Variants in KLRG1 observed in about 807,000 individuals in gnomAD.
KLRG1 encodes the protein killer cell lectin like receptor G1, also known as killer cell lectin-like receptor subfamily G member 1.
Under a neutral mutation model 21.8 loss-of-function variants are expected in KLRG1, and 16 were observed. That is an observed-to-expected ratio of 0.73 (90% CI 0.50 to 1.11). KLRG1 has a LOEUF of 1.11. KLRG1 is among the 50% of genes most tolerant of loss of function. KLRG1 has a pLI of 0.00. For synonymous variants in KLRG1, 69 were observed against 75.9 expected (o/e 0.91, Z 0.47); for missense variants, 173 against 218.3 (o/e 0.79, Z 1.31).
At chr12:8,952,263 C>T (rs759671332) in intron 1 of KLRG1, among the ~76,000 whole-genome samples, 1 of 152,216 alleles carries the variant, frequency 6.6e-6, no homozygotes, top group African/African-American at 2.4e-5. Flanking sequence ...GCCTCCTGTT[C>T]TGTATAATCA....
chr12:8,987,365 C>T (rs1210863935), upstream of KLRG1: 1 of 152,168 alleles, frequency 6.6e-6, no homozygotes, highest in Non-Finnish European at 1.5e-5. Context: ...TCTCTTTCTT[C>T]CCTTGTGCAC....
At chr12:9,165,594 G>C in the KLRG1 span, among the ~76,000 whole-genome samples, 1 of 152,256 alleles carries the variant, frequency 6.6e-6, no homozygotes, top group Admixed American at 6.5e-5. Flanking sequence ...TATCCCACAT[G>C]TCTGTACTTT....
chr12:9,171,757 C>A, the KLRG1 span, among the ~76,000 whole-genome samples: 7 of 152,022 alleles, frequency 4.6e-5, no homozygotes, highest in Admixed American at 4.6e-4. Flanking sequence ...TGAAGATTAT[C>A]TATCTGAAAT....
At chr12:9,077,480 C>T in the KLRG1 span, 1 of 1,521,842 alleles carries the variant, frequency 6.6e-7, no homozygotes, top group Non-Finnish European at 9.0e-7. Context: ...TTGATTAGTT[C>T]TTTCTATTCT....
intron 3 of KLRG1, among the ~76,000 whole-genome samples, chr12:9,005,287 G>T (rs926330024): frequency 5.3e-5 from 8 of 152,060 alleles, no homozygotes; most frequent in Non-Finnish European, 2.9e-5. Context: ...ATCCACCATG[G>T]CACGTGTATA....
At chr12:9,070,610 T>C in the KLRG1 span, 1 of 1,477,514 alleles carries the variant, frequency 6.8e-7, no homozygotes, top group Non-Finnish European at 9.4e-7. Context: ...GGATTAGGGT[T>C]TTCTGTGTTT....
chr12:9,194,020 T>C, the KLRG1 span: 1 of 1,487,522 alleles, frequency 6.7e-7, no homozygotes, highest in Admixed American at 1.8e-5. Flanking sequence ...TTCTTCTGAA[T>C]ATATCACTGT....
At chr12:8,991,185 G>A (rs76450399) in intron 1 of KLRG1, among the ~76,000 whole-genome samples, 1,523 of 152,184 alleles carry the variant, frequency 0.01, 1 homozygote, top group Middle Eastern at 0.027. Flanking sequence ...AGTTTTGCTC[G>A]TTACACGTAA....
chr12:8,953,796 A>T (rs150791400), intron 1 of KLRG1, among the ~76,000 whole-genome samples: 113 of 152,322 alleles, frequency 7.4e-4, no homozygotes, highest in Non-Finnish European at 1.4e-3. Context: ...AGAGGACTCT[A>T]TGATACAGAA....
At chr12:9,109,830 A>G in the KLRG1 span, 3 of 1,552,176 alleles carry the variant, frequency 1.9e-6, no homozygotes, top group African/African-American at 4.2e-5. Context: ...TTAAATATGA[A>G]GAAAAATAAT....
At chr12:9,128,993 A>G in the KLRG1 span, among the ~76,000 whole-genome samples, 1 of 152,176 alleles carries the variant, frequency 6.6e-6, no homozygotes, top group African/African-American at 2.4e-5. Flanking sequence ...CTTGACTTGT[A>G]ATGGGGTTTC....
At chr12:9,032,482 G>C in the KLRG1 span, among the ~76,000 whole-genome samples, 1 of 152,114 alleles carries the variant, frequency 6.6e-6, no homozygotes, top group Admixed American at 6.5e-5. Context: ...CTAACTTCAG[G>C]AGGCACTTAA....
At chr12:9,020,368 T>A in the KLRG1 span, among the ~76,000 whole-genome samples, 2 of 152,100 alleles carry the variant, frequency 1.3e-5, no homozygotes, top group Non-Finnish European at 1.5e-5. Context: ...CTCACAAAAG[T>A]TTCCACATGA....
the KLRG1 span, among the ~76,000 whole-genome samples, chr12:9,023,604 CTGGAG>C: frequency 1.3e-5 from 2 of 151,572 alleles, no homozygotes; most frequent in Admixed American, 1.3e-4. Context: ...ATCACCCAGG[CTGGAG>C]TGCAGTGGCA....
chr12:9,143,708 G>T, the KLRG1 span, among the ~76,000 whole-genome samples: 1 of 152,128 alleles, frequency 6.6e-6, no homozygotes, highest in African/African-American at 2.4e-5. Flanking sequence ...GCCATTAGCT[G>T]TCATTATCTA....
the KLRG1 span, among the ~76,000 whole-genome samples, chr12:9,213,622 T>C: frequency 3.3e-5 from 5 of 152,274 alleles, no homozygotes; most frequent in South Asian, 6.2e-4. Flanking sequence ...TGACCATTTA[T>C]GTATCATCTT....
At chr12:9,079,350 G>A in the KLRG1 span, 58 of 1,604,292 alleles carry the variant, frequency 3.6e-5, no homozygotes, top group African/African-American at 4.8e-4. Context: ...GAAGATTAAC[G>A]AAACAGCACA....
the KLRG1 span, chr12:9,091,104 C>T: frequency 4.5e-5 from 62 of 1,365,114 alleles, no homozygotes; most frequent in Non-Finnish European, 6.3e-5. Context: ...ATCTAGTAAG[C>T]ATATTTTGCA....
the KLRG1 span, among the ~76,000 whole-genome samples, chr12:9,103,813 T>C: frequency 8.5e-5 from 13 of 152,326 alleles, no homozygotes; most frequent in East Asian, 1.5e-3. Flanking sequence ...TGTTCATCCC[T>C]TGATGGACAT....
Sources: allele counts gnomAD v4.1 joint callset (sites outside exome capture counted in the v4.1 genomes callset), GRCh38; gene constraint gnomAD v4.1.1; transcripts MANE v1.5; gene names NCBI Gene and HGNC (gene_info 2026-07-23, HGNC 2026-07-21).